The following PPEF1 variants were observed in gnomAD, a reference collection of about 807,000 sequenced individuals.
The protein encoded by PPEF1 is serine/threonine-protein phosphatase with EF-hands 1.
A neutral mutation model predicts 53.3 loss-of-function variants in PPEF1; 12 were observed. The observed-to-expected ratio is 0.23, with a 90% CI of 0.14 to 0.36. The LOEUF (loss-of-function observed/expected upper bound fraction) is 0.36. Ranked by LOEUF, PPEF1 falls within the 10% of genes least tolerant of loss-of-function variation. The pLI is 1.00. For synonymous variants in PPEF1, 165 were observed against 176.7 expected (o/e 0.93, Z 0.52); for missense variants, 334 against 490.4 (o/e 0.68, Z 3.01).
At chrX:18,776,098 T>C (rs750194064) in intron 6 of PPEF1, among the ~76,000 whole-genome samples, 21 of 112,087 alleles carry the variant, frequency 1.9e-4, no homozygotes, top group Non-Finnish European at 2.3e-4. Context: ...CCCAACAGAG[T>C]CTATAGCCTT....
Position 18,763,852 on chromosome X carries a change from G to A in PPEF1, c.558+2276G>A, listed in dbSNP as rs182926800. Among the ~76,000 whole-genome samples, 8 of 111,422 alleles carry A rather than the reference G, an allele frequency of 7.2e-5. No homozygotes were observed. The East Asian group carries it at 8.5e-4, about 12-fold the overall frequency. ...GACTTCAGCAGGCCCAAGCCAGGAC[G>A]TAGAGTGTGACTGTCAGAGAGTGTC... On this transcript the variant is annotated intron_variant, in intron 6 of 15. Transcript: ENST00000470157.
At chrX:18,816,258 G>T in intron 12 of PPEF1, among the ~76,000 whole-genome samples, 1 of 110,889 alleles carries the variant, frequency 9.0e-6, no homozygotes, top group East Asian at 2.8e-4. Flanking sequence ...TGACCTATTG[G>T]TTAAGATTTT....
At chrX:18,718,863 T>C (rs995720133) in intron 1 of PPEF1, among the ~76,000 whole-genome samples, 2 of 112,279 alleles carry the variant, frequency 1.8e-5, no homozygotes, top group African/African-American at 6.5e-5. Context: ...GGCTTTATAT[T>C]TCATTAGCTT....
chrX:18,742,486 C>T (rs1057097722), intron 3 of PPEF1, among the ~76,000 whole-genome samples: 1 of 111,664 alleles, frequency 9.0e-6, no homozygotes, highest in Non-Finnish European at 1.9e-5. Context: ...CAGTTGAGCT[C>T]ACTCATCTAG....
chrX:18,686,476 A>G (rs1362827801), intron 3 of PPEF1, among the ~76,000 whole-genome samples: 2 of 111,071 alleles, frequency 1.8e-5, no homozygotes, highest in East Asian at 2.8e-4. Context: ...CCTTTTTGCC[A>G]GGAGAAGAGG....
rs1245914969 is a variant in PPEF1 at position 18,806,548 on chromosome X, G to C, written c.1394+3G>C. Reference sequence around the variant, plus strand: ...TGCTTTCAGCCTCTTCGCCAAAGGTGTGTATACTATACCGAGAGTGCTGAG... The same window carrying C: ...TGCTTTCAGCCTCTTCGCCAAAGGTCTGTATACTATACCGAGAGTGCTGAG... On this transcript the variant is annotated splice_donor_region_variant and intron_variant, in intron 12 of 15. Transcript: ENST00000470157. 8.3e-7 allele frequency: 1 copy of C among 1,201,895 alleles called. No individual in the cohort carries two copies. Among genetic ancestry groups the C allele is most frequent in the Non-Finnish European group, 1.1e-6 (1 of 889,946 alleles).
intron 4 of PPEF1, among the ~76,000 whole-genome samples, chrX:18,696,870 C>A (rs760614614): frequency 7.1e-5 from 8 of 111,930 alleles, no homozygotes; most frequent in Non-Finnish European, 1.3e-4. Flanking sequence ...CTTAAGTACC[C>A]ACCATCAAAT....
intron 11 of PPEF1, 53 bp from the exon 12 acceptor site, chrX:18,806,350 G>A: frequency 8.8e-7 from 1 of 1,131,471 alleles, no homozygotes; most frequent in Non-Finnish European, 1.2e-6. Flanking sequence ...CTTATTGAAT[G>A]ACCTTTTGAG....
chrX:18,772,624 G>A (rs765110146), intron 6 of PPEF1, among the ~76,000 whole-genome samples: 8 of 111,814 alleles, frequency 7.2e-5, no homozygotes, highest in Non-Finnish European at 1.5e-4. Context: ...TGTGAATGTT[G>A]CTGTGCAACA....
intron 6 of PPEF1, among the ~76,000 whole-genome samples, chrX:18,773,045 T>G (rs1266460539): frequency 5.3e-5 from 6 of 112,579 alleles, no homozygotes; most frequent in Non-Finnish European, 5.6e-5. Flanking sequence ...TTGCTTTTTT[T>G]TCTCTTCATG....
intron 10 of PPEF1, among the ~76,000 whole-genome samples, chrX:18,802,760 T>C (rs1313441525): frequency 9.0e-6 from 1 of 111,476 alleles, no homozygotes; most frequent in Non-Finnish European, 1.9e-5. Flanking sequence ...ATTTCTTCCC[T>C]GAATGTGACA....
At chrX:18,676,333 T>C (rs1234462226) in intron 1 of PPEF1, among the ~76,000 whole-genome samples, 1 of 110,945 alleles carries the variant, frequency 9.0e-6, no homozygotes, top group Non-Finnish European at 1.9e-5. Flanking sequence ...GAGGCAGTTA[T>C]CTGCCATGTA....
intron 10 of PPEF1, among the ~76,000 whole-genome samples, chrX:18,802,009 A>T (rs1312834330): frequency 1.8e-5 from 2 of 109,637 alleles, no homozygotes; most frequent in African/African-American, 3.3e-5. Flanking sequence ...AAAAGAAAAG[A>T]AACATTACAG....
At chrX:18,745,088 A>AATATATATTATATATTATATAATTATATT (rs1569254401) in intron 3 of PPEF1, among the ~76,000 whole-genome samples, 6 of 96,219 alleles carry the variant, frequency 6.2e-5, no homozygotes, top group Non-Finnish European at 1.2e-4. Context: ...ATTTATATGG[A>AATATATATTATATATTATATAATTATATT]ATATATATTA....
At chrX:18,810,025 C>A (rs936735759) in intron 12 of PPEF1, among the ~76,000 whole-genome samples, 1 of 108,138 alleles carries the variant, frequency 9.2e-6, no homozygotes, top group Admixed American at 1.0e-4. Context: ...ATTTTATTTG[C>A]CAGTTATAAA....
intron 4 of PPEF1, among the ~76,000 whole-genome samples, chrX:18,751,472 C>T (rs1223400048): frequency 8.9e-6 from 1 of 112,179 alleles, no homozygotes; most frequent in African/African-American, 3.2e-5. Flanking sequence ...GTGGTCTTTG[C>T]ACCCTTGTCA....
At chrX:18,775,832 T>C (rs959922466) in intron 6 of PPEF1, among the ~76,000 whole-genome samples, 1 of 112,488 alleles carries the variant, frequency 8.9e-6, no homozygotes, top group Non-Finnish European at 1.9e-5. Context: ...AAAAGAAGTC[T>C]CTGTGTTTCT....
intron 6 of PPEF1, among the ~76,000 whole-genome samples, chrX:18,769,209 A>C (rs1450997071): frequency 1.8e-5 from 2 of 112,121 alleles, no homozygotes; most frequent in Non-Finnish European, 3.8e-5. Flanking sequence ...CATACTCTTA[A>C]CAACAGACCT....
At chrX:18,807,005 T>A (rs906324824) in intron 12 of PPEF1, among the ~76,000 whole-genome samples, 1 of 48,441 alleles carries the variant, frequency 2.1e-5, no homozygotes, top group Non-Finnish European at 4.2e-5. Context: ...TTTTTTTTGG[T>A]TTTTTTTTTG....
Sources: gnomAD v4.1 joint callset for allele counts (sites outside exome capture counted in the v4.1 genomes callset) on GRCh38, gnomAD v4.1.1 for gene constraint, MANE v1.5 for transcripts, NCBI Gene and HGNC (gene_info 2026-07-23, HGNC 2026-07-21) for gene names.